The following WDPCP variants were observed in gnomAD, a reference collection of about 807,000 sequenced individuals.
The protein encoded by WDPCP is WD repeat containing planar cell polarity effector.
A neutral mutation model predicts 93.1 loss-of-function variants in WDPCP; 71 were observed. The observed-to-expected ratio is 0.76, with a 90% CI of 0.63 to 0.93. The LOEUF (loss-of-function observed/expected upper bound fraction) is 0.93, where lower values mean the gene tolerates loss of function less well. WDPCP is among the 40% of genes least tolerant of loss of function. The pLI, the probability that WDPCP is intolerant of heterozygous loss-of-function variation, is 0.00. For missense variants in WDPCP, 844 were observed against 887.4 expected, an observed-to-expected ratio of 0.95 and a Z score of 0.62; for synonymous variants, 315 against 315.0, an observed-to-expected ratio of 1.00 and a Z score of 0.00.
At chr2:63,437,822 A>G (rs1198640358) in intron 7 of WDPCP, 1 of 1,575,826 alleles carries the variant, frequency 6.3e-7, no homozygotes. Context: ...TGTATTTAGA[A>G]ACAGGGCTAT....
At chr2:63,722,697 C>A (rs1484645348) in intron 2 of WDPCP, among the ~76,000 whole-genome samples, 1 of 128,006 alleles carries the variant, frequency 7.8e-6, no homozygotes, top group South Asian at 2.7e-4. Flanking sequence ...CCGCCCCGTC[C>A]GGGAGGTGAG....
At chr2:63,751,497 T>G (rs1331306200) in intron 2 of WDPCP, among the ~76,000 whole-genome samples, 1 of 152,238 alleles carries the variant, frequency 6.6e-6, no homozygotes, top group Non-Finnish European at 1.5e-5. Context: ...CTGTTACACC[T>G]TTAGTCACAA....
chr2:63,354,662 A>G (rs9789552), intron 12 of WDPCP, among the ~76,000 whole-genome samples: 1 of 151,926 alleles, frequency 6.6e-6, no homozygotes, highest in African/African-American at 2.4e-5. Context: ...ATGTGTGTGT[A>G]TATATATGTG....
Position 63,622,771 on chromosome 2 carries a change from C to T in WDPCP, n.488+27888G>A, listed in dbSNP as rs186075003. 1.4e-4 allele frequency: 227 copies of T among 1,612,474 alleles called. 1 individual carries two copies. The East Asian group carries it at 3.7e-3, about 27-fold the overall frequency. ...GGATTCGGGTACCGCTGCCAGAAGG[C>T]GGCGAACACTTGGTCCCAGGAACTC... is the stretch of plus-strand genomic sequence containing the variant. On this transcript the variant is annotated intron_variant and non_coding_transcript_variant, in intron 3 of 4. Coordinates refer to the WDPCP transcript ENST00000467687.
intron 12 of WDPCP, among the ~76,000 whole-genome samples, chr2:63,374,847 A>G (rs959380935): frequency 6.6e-6 from 1 of 151,186 alleles, no homozygotes; most frequent in African/African-American, 2.4e-5. Context: ...CTGTTTATCC[A>G]TCAATTCATA....
At chr2:63,153,032 T>G in intron 16 of WDPCP, 87 bp from the exon 17 acceptor site, 3 of 1,071,856 alleles carry the variant, frequency 2.8e-6, no homozygotes, top group Non-Finnish European at 4.2e-6. Flanking sequence ...AAAACAGAAA[T>G]GCTTAAAATA....
intron 14 of WDPCP, among the ~76,000 whole-genome samples, chr2:63,253,147 A>G (rs1441541892): frequency 6.6e-6 from 1 of 152,162 alleles, no homozygotes; most frequent in Non-Finnish European, 1.5e-5. Flanking sequence ...CAGTCAAGAA[A>G]AGAAGTTGGG....
chr2:63,378,623 G>A (rs1300464273), intron 11 of WDPCP, 114 bp from the exon 12 acceptor site: 33 of 1,427,994 alleles, frequency 2.3e-5, no homozygotes, highest in South Asian at 2.0e-4. Context: ...ACATGAACTT[G>A]TTGCAGGAAA....
At chr2:63,447,773 T>C (rs17027906) in intron 6 of WDPCP, among the ~76,000 whole-genome samples, 2,463 of 152,170 alleles carry the variant, frequency 0.016, 77 homozygotes, top group African/African-American at 0.056. Flanking sequence ...GGTCATATAT[T>C]GTTACGTAAA....
intron 6 of WDPCP, among the ~76,000 whole-genome samples, chr2:63,478,938 C>T (rs879733199): frequency 2.0e-5 from 3 of 151,732 alleles, no homozygotes; most frequent in South Asian, 2.1e-4. Flanking sequence ...AATTGATAGA[C>T]CATTAGCAAG....
chr2:63,337,033 A>C (rs1345096167), intron 12 of WDPCP, among the ~76,000 whole-genome samples: 1 of 151,514 alleles, frequency 6.6e-6, no homozygotes, highest in Admixed American at 6.6e-5. Flanking sequence ...GGCTGAGATT[A>C]CAGGCCTGTG....
intron 3 of WDPCP, among the ~76,000 whole-genome samples, chr2:63,618,515 C>T (rs975009892): frequency 6.6e-6 from 1 of 151,968 alleles, no homozygotes; most frequent in South Asian, 2.1e-4. Context: ...AGTGATTATC[C>T]CCTATGTTCC....
chr2:63,576,611 A>G (rs998575660), intron 1 of WDPCP, among the ~76,000 whole-genome samples: 1 of 152,142 alleles, frequency 6.6e-6, no homozygotes, highest in African/African-American at 2.4e-5. Context: ...GATTGATTAG[A>G]TCAATAGTCA....
chr2:63,544,089 T>A (rs952096179), intron 1 of WDPCP, among the ~76,000 whole-genome samples: 2 of 152,146 alleles, frequency 1.3e-5, no homozygotes, highest in Non-Finnish European at 2.9e-5. Flanking sequence ...GATTCATTCA[T>A]TCTATTTTAG....
chr2:63,171,901 A>C (rs142252460), intron 15 of WDPCP, among the ~76,000 whole-genome samples: 2 of 152,224 alleles, frequency 1.3e-5, no homozygotes, highest in African/African-American at 4.8e-5. Flanking sequence ...CAGTAACATA[A>C]TGCTAAGTGA....
At chr2:63,723,093 C>A (rs933776677) in intron 2 of WDPCP, among the ~76,000 whole-genome samples, 1 of 151,916 alleles carries the variant, frequency 6.6e-6, no homozygotes, top group African/African-American at 2.4e-5. Flanking sequence ...GCAGCATGCT[C>A]GTTAAGAGTC....
intron 1 of WDPCP, among the ~76,000 whole-genome samples, chr2:63,573,072 C>A (rs1040477415): frequency 2.0e-5 from 3 of 151,964 alleles, no homozygotes; most frequent in African/African-American, 7.3e-5. Flanking sequence ...AATAGCAAGA[C>A]CCTGTCTCTT....
intron 2 of WDPCP, among the ~76,000 whole-genome samples, chr2:63,700,299 A>AC (rs1669027893): frequency 9.7e-6 from 1 of 102,698 alleles, no homozygotes; most frequent in East Asian, 2.1e-4. Context: ...AAAAAAAAAA[A>AC]AAAACAAAAA....
intron 13 of WDPCP, among the ~76,000 whole-genome samples, chr2:63,310,746 C>T (rs1296167285): frequency 1.3e-5 from 2 of 152,106 alleles, no homozygotes; most frequent in Non-Finnish European, 2.9e-5. Flanking sequence ...GTAGTCTTAG[C>T]TCCTTTGGAG....
Sources: allele counts gnomAD v4.1 joint callset (sites outside exome capture counted in the v4.1 genomes callset), GRCh38; gene constraint gnomAD v4.1.1; transcripts MANE v1.5; gene names NCBI Gene and HGNC (gene_info 2026-07-23, HGNC 2026-07-21).